Variants in RAB20 observed in about 807,000 individuals in gnomAD.
RAB20 encodes the protein RAB20, member RAS oncogene family.
Under a neutral mutation model 3.7 loss-of-function variants are expected in RAB20, and 2 were observed. That is an observed-to-expected ratio of 0.54 (90% confidence interval 0.22 to 1.69). The LOEUF is 1.69. RAB20 is among the 40% of genes most tolerant of loss of function. The pLI is 0.19. For synonymous variants in RAB20, 126 were observed against 130.8 expected, an observed-to-expected ratio of 0.96 and a Z score of 0.25; for missense variants, 276 against 311.9, an observed-to-expected ratio of 0.88 and a Z score of 0.87.
intron 1 of RAB20, among the ~76,000 whole-genome samples, chr13:110,528,373 G>A (rs9515240): frequency 0.23 from 33,799 of 145,280 alleles, 3,977 homozygotes; most frequent in East Asian, 0.32. Context: ...CTGAGATAGC[G>A]CCACTGCACT....
intron 1 of RAB20, among the ~76,000 whole-genome samples, chr13:110,546,341 A>C (rs150101300): frequency 3.9e-5 from 6 of 152,344 alleles, no homozygotes; most frequent in Non-Finnish European, 7.4e-5. Flanking sequence ...GTTTTCTAAA[A>C]GTGTTCCAAT....
chr13:110,561,491 A>G lies in RAB20; in HGVS notation c.29T>C (p.Leu10Pro). ...CTTCCCCACGTTCATGTCCCCCAGG[A>G]GCACGATCTTGCTGTCGGGCTTCCT... is the stretch of plus-strand genomic sequence containing the variant. Reference protein sequence around the residue: MRKPDSKIVLLGDMNVGKTS... With the variant: MRKPDSKIVPLGDMNVGKTS... The change falls in exon 1 of 2, where the codon CTC becomes CCC. Residue 10 changes from leucine (L) to proline (P), a missense_variant. Leu to Pro is a moderately conservative substitution (Grantham distance 98). Coordinates refer to ENST00000267328, the MANE Select transcript of RAB20 (RefSeq NM_017817.3). The G allele has an allele frequency of 1.9e-6, 3 of 1,590,620 alleles. No individual in the cohort carries two copies. Among genetic ancestry groups the G allele is most frequent in the South Asian group, 1.1e-5 (1 of 89,516 alleles).
In RAB20 at chr13:110,557,386, TG is replaced by T. The variant is rs139537846; in HGVS notation, c.172+3961del. ...TTGTCGAACAAAGAGGAGCAGGACTTGGTGATGTGGGAAGTCCTCAGTCAGG... is the reference window on the plus strand; with the variant it reads ...TTGTCGAACAAAGAGGAGCAGGACTTGTGATGTGGGAAGTCCTCAGTCAGG... On this transcript the variant is annotated intron_variant, in intron 1 of 1. Transcript: ENST00000267328. Among the ~76,000 whole-genome samples the T allele has an allele frequency of 3.3e-3, 504 of 152,276 alleles. 5 individuals are homozygous for T. The highest frequency in any genetic ancestry group is 0.012 in the African/African-American group (488 of 41,550).
rs775243830 is a variant in RAB20, at chr13:110,523,684, C to A, written c.686G>T (p.Arg229Ile). ...ISSHKPPKRT[R>I]SGCCA ...CGAAAGTCAGGCACAACACCCAGAT[C>A]TGGTCCTCTTGGGTGGCTTATGACT... Residue 229 changes from arginine (R) to isoleucine (I), a missense_variant, in exon 2 of 2, where the codon AGA becomes ATA. Physicochemically the swap from Arg to Ile is moderately conservative, Grantham distance 97. Coordinates refer to ENST00000267328, the MANE Select transcript of RAB20 (RefSeq NM_017817.3). 6.2e-7 allele frequency: 1 copy of A among 1,614,002 alleles called. No individual in the cohort carries two copies. The highest frequency in any genetic ancestry group is 2.2e-5 in the East Asian group (1 of 44,866).
At chr13:110,538,545 G>A (rs1428046600) in intron 1 of RAB20, among the ~76,000 whole-genome samples, 1 of 135,066 alleles carries the variant, frequency 7.4e-6, no homozygotes, top group Non-Finnish European at 1.5e-5. Flanking sequence ...GGCAGAGGTT[G>A]TAGTGAGCTA....
chr13:110,529,305 A>G (rs987316350), intron 1 of RAB20, among the ~76,000 whole-genome samples: 12 of 152,178 alleles, frequency 7.9e-5, no homozygotes, highest in Admixed American at 2.6e-4. Context: ...AACCCCATAC[A>G]CATGTCAGCC....
chr13:110,560,479 C>T (rs1052629929), intron 1 of RAB20, among the ~76,000 whole-genome samples: 1 of 152,042 alleles, frequency 6.6e-6, no homozygotes, highest in African/African-American at 2.4e-5. Context: ...TTTTAAGATG[C>T]TAACATAAAA....
chr13:110,529,792 A>G (rs56359935), intron 1 of RAB20, among the ~76,000 whole-genome samples: 20,779 of 152,130 alleles, frequency 0.14, 1,628 homozygotes, highest in African/African-American at 0.21. Flanking sequence ...GGCTGTCTCC[A>G]GGCCAAGCAG....
At chr13:110,530,199 C>G (rs960805608) in intron 1 of RAB20, among the ~76,000 whole-genome samples, 2 of 120,344 alleles carry the variant, frequency 1.7e-5, no homozygotes, top group Non-Finnish European at 3.6e-5. Context: ...CACAGGGCCC[C>G]GGGGAGGCAG....
intron 1 of RAB20, among the ~76,000 whole-genome samples, chr13:110,537,159 A>C (rs1884661179): frequency 1.3e-5 from 2 of 148,556 alleles, no homozygotes; most frequent in Non-Finnish European, 3.0e-5. Flanking sequence ...TTTTATTTTT[A>C]TTTTTATTTT....
At chr13:110,541,850 ACATGCACGTACATGC>A (rs1478157199) in intron 1 of RAB20, among the ~76,000 whole-genome samples, 2 of 144,084 alleles carry the variant, frequency 1.4e-5, no homozygotes, top group Admixed American at 1.4e-4. Flanking sequence ...ACTCTCACAT[ACATGCACGTACATGC>A]CATGCACACA....
chr13:110,523,422 C>T lies in RAB20; in HGVS notation c.*243G>A. ...GCAGAGAGCACCAGGGGTCTCGACT[C>T]TGCAGATTGGGCTTTGCAGAGGATT... On this transcript the variant is annotated 3_prime_UTR_variant, in exon 2 of 2. Coordinates refer to ENST00000267328, the MANE Select transcript of RAB20 (RefSeq NM_017817.3). 2 of 775,760 alleles carry T rather than the reference C, an allele frequency of 2.6e-6. No individual in the cohort carries two copies. Among genetic ancestry groups the T allele is most frequent in the Non-Finnish European group, 4.0e-6 (2 of 502,758 alleles). The allele number at this position is 775,760 out of a possible 1,614,324, so 48.1% of individuals were successfully genotyped here.
At position 110,553,010 on chromosome 13, in the gene RAB20, C is replaced by G. The variant is rs141250988; in HGVS notation, c.172+8338G>C. On this transcript the variant is annotated intron_variant, in intron 1 of 1. Coordinates refer to ENST00000267328, the MANE Select transcript of RAB20 (RefSeq NM_017817.3). ...CGAGTATAATGTCGCTTTGTCCACTCCTGCTGAGGCCAGGACAACCAATTA... is the reference window on the plus strand; with the variant it reads ...CGAGTATAATGTCGCTTTGTCCACTGCTGCTGAGGCCAGGACAACCAATTA... Among the ~76,000 whole-genome samples the G allele has an allele frequency of 7.1e-3, 1,088 of 152,330 alleles. 9 individuals carry two copies. Among genetic ancestry groups the G allele is most frequent in the Non-Finnish European group, 8.8e-3 (596 of 68,032 alleles).
intron 1 of RAB20, among the ~76,000 whole-genome samples, chr13:110,551,650 T>G (rs2139588576): frequency 6.6e-6 from 1 of 152,246 alleles, no homozygotes; most frequent in African/African-American, 2.4e-5. Context: ...CAGTGATGAA[T>G]CCATTATCCT....
In RAB20 at chr13:110,559,372, CA is replaced by C. The variant is rs146578475; in HGVS notation, c.172+1975del. Among the ~76,000 whole-genome samples, 586 of 152,270 alleles carry C rather than the reference CA, an allele frequency of 3.8e-3. 7 individuals are homozygous for C. Among genetic ancestry groups the C allele is most frequent in the African/African-American group, 0.014 (566 of 41,558 alleles). On this transcript the variant is annotated intron_variant, in intron 1 of 1. Coordinates refer to ENST00000267328, the MANE Select transcript of RAB20 (RefSeq NM_017817.3). ...GTGGAGAGAAAGTTTAGGAGCTCAG[CA>C]AAAGAAGGAAAAGAACAGGGTCCCC...
intron 1 of RAB20, among the ~76,000 whole-genome samples, chr13:110,546,717 G>T (rs200395789): frequency 4.3e-4 from 48 of 112,464 alleles, no homozygotes; most frequent in South Asian, 9.9e-4. Context: ...TTTGTTTTTT[G>T]GGTTTTTTGT....
chr13:110,554,597 T>C (rs1885008095), intron 1 of RAB20, among the ~76,000 whole-genome samples: 3 of 152,126 alleles, frequency 2.0e-5, no homozygotes, highest in African/African-American at 4.8e-5. Context: ...AGCACTTACA[T>C]TCTCCCTCCT....
chr13:110,544,177 C>A (rs1884814540), intron 1 of RAB20, among the ~76,000 whole-genome samples: 1 of 152,186 alleles, frequency 6.6e-6, no homozygotes, highest in Non-Finnish European at 1.5e-5. Flanking sequence ...AGGTTCTTGG[C>A]ATCTTTGTCA....
At chr13:110,561,278 C>G (rs559350182) in intron 1 of RAB20, 70 bp downstream of exon 1, 10 of 1,464,506 alleles carry the variant, frequency 6.8e-6, no homozygotes, top group Non-Finnish European at 9.0e-6. Context: ...GGGTGCCCTG[C>G]TGGAAGCCCC....
Sources: allele counts gnomAD v4.1 joint callset (sites outside exome capture counted in the v4.1 genomes callset), GRCh38; gene constraint gnomAD v4.1.1; transcripts MANE v1.5; gene names NCBI Gene and HGNC (gene_info 2026-07-23, HGNC 2026-07-21).